The following SCNN1B variants were observed in gnomAD, a reference collection of about 807,000 sequenced individuals.
The protein encoded by SCNN1B is sodium channel epithelial 1 subunit beta.
SCNN1B carries 46 observed loss-of-function variants against 65.3 expected under a neutral mutation model. The ratio of observed to expected loss-of-function variants is 0.70; its 90% CI spans 0.56 to 0.90. The LOEUF is 0.90. SCNN1B is among the 40% of genes least tolerant of loss of function. SCNN1B has a pLI of 0.00. For synonymous variants in SCNN1B, 349 were observed against 330.6 expected (o/e 1.06, Z -0.60); for missense variants, 751 against 830.5 (o/e 0.90, Z 1.18).
intron 4 of SCNN1B, chr16:23,359,390 C>T (rs1413925506): frequency 6.6e-6 from 1 of 152,358 alleles, no homozygotes; most frequent in African/African-American, 2.4e-5. Context: ...ACCCACCTCT[C>T]CCAAGCCTAT....
chr16:23,378,768 G>A lies in SCNN1B; in HGVS notation c.1466+1G>A, dbSNP rs1290855631. ...AAAGCACCAATATCACCCTGAGCAG[G>A]TGAGCCTGAGCCTGGGCGGGGCTGG... On this transcript the variant is annotated splice_donor_variant, in intron 11 of 12. Transcript: ENST00000343070. LOFTEE classifies it high-confidence loss of function. 1.2e-6 allele frequency: 2 copies of A among 1,614,090 alleles called. No individual in the cohort carries two copies. The highest frequency in any genetic ancestry group is 2.2e-5 in the East Asian group (1 of 44,870).
intron 4 of SCNN1B, among the ~76,000 whole-genome samples, chr16:23,367,302 T>C (rs1225799773): frequency 1.3e-5 from 2 of 152,102 alleles, no homozygotes; most frequent in African/African-American, 4.8e-5. Context: ...TTGTTGTTGT[T>C]TGTTGTTGTT....
chr16:23,297,849 C>T (rs1486011412), upstream of SCNN1B, among the ~76,000 whole-genome samples: 4 of 152,218 alleles, frequency 2.6e-5, no homozygotes, highest in South Asian at 8.3e-4. Flanking sequence ...GGAGTGGTGA[C>T]CCCAGAGCTA....
rs142761403 is a variant in SCNN1B at position 23,333,485 on chromosome 16, T to C, written c.-8-15107T>C. Reference sequence around the variant, plus strand: ...CCCATGGTAAACACCCAGGGCCATTTTGAATAATTCTACACCTTCCATAAA... The same window carrying C: ...CCCATGGTAAACACCCAGGGCCATTCTGAATAATTCTACACCTTCCATAAA... On this transcript the variant is annotated intron_variant, in intron 1 of 12. Transcript: ENST00000343070. Among the ~76,000 whole-genome samples the C allele has an allele frequency of 5.2e-3, 797 of 152,328 alleles. 9 individuals carry two copies. Among genetic ancestry groups the C allele is most frequent in the African/African-American group, 0.017 (707 of 41,568 alleles).
chr16:23,292,348 C>A (rs1306721174), intron 2 of SCNN1B, among the ~76,000 whole-genome samples: 2 of 151,920 alleles, frequency 1.3e-5, no homozygotes, highest in Non-Finnish European at 2.9e-5. Context: ...CGCCCGCCAC[C>A]ACACCCAGCT....
chr16:23,355,592 C>A, intron 4 of SCNN1B, 103 bp downstream of exon 4: 1 of 1,147,670 alleles, frequency 8.7e-7, no homozygotes, highest in Non-Finnish European at 1.3e-6. Context: ...CCTGCCCAGC[C>A]ACTTACCGGC....
intron 2 of SCNN1B, among the ~76,000 whole-genome samples, chr16:23,295,449 A>C (rs1960982018): frequency 6.6e-6 from 1 of 152,052 alleles, no homozygotes; most frequent in Non-Finnish European, 1.5e-5. Context: ...TTCTGGGCTC[A>C]AGCAATCCTC....
At chr16:23,345,994 A>G (rs934457213) in intron 1 of SCNN1B, among the ~76,000 whole-genome samples, 1 of 151,996 alleles carries the variant, frequency 6.6e-6, no homozygotes, top group Non-Finnish European at 1.5e-5. Context: ...AGGGAGGGGG[A>G]AGCAGGAATG....
intron 1 of SCNN1B, among the ~76,000 whole-genome samples, chr16:23,312,279 A>T (rs1379829561): frequency 6.6e-6 from 1 of 152,120 alleles, no homozygotes; most frequent in East Asian, 1.9e-4. Flanking sequence ...TCCTTAAAGC[A>T]TTAAGGGCAA....
intron 1 of SCNN1B, among the ~76,000 whole-genome samples, chr16:23,309,489 A>G (rs1765931388): frequency 6.6e-6 from 1 of 152,228 alleles, no homozygotes; most frequent in African/African-American, 2.4e-5. Context: ...TCACATGATC[A>G]CAAGGTCCCA....
chr16:23,289,399 T>A (rs182042989), intron 2 of SCNN1B, among the ~76,000 whole-genome samples: 118 of 152,134 alleles, frequency 7.8e-4, no homozygotes, highest in African/African-American at 2.7e-3. Flanking sequence ...TACAAAATAT[T>A]TTTAAAAATT....
chr16:23,304,137 A>G (rs1961143846), intron 1 of SCNN1B: 1 of 1,472,854 alleles, frequency 6.8e-7, no homozygotes, highest in African/African-American at 1.4e-5. Flanking sequence ...ATAAATTGTT[A>G]TCTCTGGGTT....
At chr16:23,307,379 G>C (rs1216870056) in intron 1 of SCNN1B, among the ~76,000 whole-genome samples, 1 of 149,174 alleles carries the variant, frequency 6.7e-6, no homozygotes, top group Non-Finnish European at 1.5e-5. Flanking sequence ...GAGTGCAATG[G>C]TGTGATCTCG....
chr16:23,374,881 T>C (rs1225936828), intron 7 of SCNN1B, among the ~76,000 whole-genome samples: 2 of 151,856 alleles, frequency 1.3e-5, no homozygotes, highest in African/African-American at 2.4e-5. Flanking sequence ...GGAAACTGGA[T>C]AGGCAATGAA....
chr16:23,361,310 C>T (rs1962549238), intron 4 of SCNN1B, among the ~76,000 whole-genome samples: 1 of 152,162 alleles, frequency 6.6e-6, no homozygotes, highest in Admixed American at 6.6e-5. Flanking sequence ...GTGATCCTCC[C>T]TCCTCAGCCT....
chr16:23,345,224 G>A (rs567504459), intron 1 of SCNN1B, among the ~76,000 whole-genome samples: 3 of 152,282 alleles, frequency 2.0e-5, no homozygotes, highest in African/African-American at 7.2e-5. Flanking sequence ...CACTGTGCTG[G>A]GCTTTGTCAG....
intron 7 of SCNN1B, among the ~76,000 whole-genome samples, chr16:23,374,803 C>T (rs1166068598): frequency 6.6e-6 from 1 of 151,702 alleles, no homozygotes; most frequent in African/African-American, 2.4e-5. Context: ...AGGGGCGGGG[C>T]CGAGTGGAGA....
chr16:23,313,731 C>A (rs1294595225), intron 1 of SCNN1B, among the ~76,000 whole-genome samples: 2 of 152,184 alleles, frequency 1.3e-5, no homozygotes, highest in Non-Finnish European at 2.9e-5. Flanking sequence ...CCTGCCCCAG[C>A]CTCCCAAGTA....
At chr16:23,286,104 T>C (rs1466578170) in intron 2 of SCNN1B, among the ~76,000 whole-genome samples, 1 of 152,158 alleles carries the variant, frequency 6.6e-6, no homozygotes, top group Non-Finnish European at 1.5e-5. Flanking sequence ...GAGGCAGCTG[T>C]TGCATCAAGT....
Sources: allele counts gnomAD v4.1 joint callset (sites outside exome capture counted in the v4.1 genomes callset), GRCh38; gene constraint gnomAD v4.1.1; transcripts MANE v1.5; gene names NCBI Gene and HGNC (gene_info 2026-07-23, HGNC 2026-07-21).